Variants in CRACDL observed in about 807,000 individuals in gnomAD.
CRACDL encodes CRACD like.
In CRACDL, 26 loss-of-function variants were observed where a neutral mutation model predicts 70.6. That is an observed-to-expected ratio of 0.37 (90% confidence interval 0.27 to 0.51). The LOEUF (loss-of-function observed/expected upper bound fraction) is 0.51, where lower values mean the gene tolerates loss of function less well. Ranked by LOEUF, CRACDL falls within the 20% of genes least tolerant of loss-of-function variation. The pLI, the probability that CRACDL is intolerant of heterozygous loss-of-function variation, is 0.94. For synonymous variants in CRACDL, 618 were observed against 615.2 expected, an observed-to-expected ratio of 1.00 and a Z score of -0.07; for missense variants, 1,283 against 1,376.9, an observed-to-expected ratio of 0.93 and a Z score of 1.08.
intron 1 of CRACDL, among the ~76,000 whole-genome samples, chr2:98,921,805 G>A (rs1433591663): frequency 1.3e-5 from 2 of 151,996 alleles, no homozygotes; most frequent in African/African-American, 2.4e-5. Flanking sequence ...GCACAGCTAC[G>A]CCAAGCCACC....
chr2:98,893,531 TC>T (rs1708034723), intron 1 of CRACDL, among the ~76,000 whole-genome samples: 5 of 152,036 alleles, frequency 3.3e-5, no homozygotes, highest in African/African-American at 1.2e-4. Flanking sequence ...TGATCTGCCC[TC>T]CTCGGCCTCC....
rs566013865 is a variant in CRACDL at position 98,888,826 on chromosome 2, T to C, written c.-10-42016A>G. On this transcript the variant is annotated intron_variant, in intron 1 of 9. Transcript: ENST00000397899. ...GAAAGTAAAAGAATGGAAAAAAATA[T>C]ATACTATGAAAACAGTAACCAAGCC... Among the ~76,000 whole-genome samples, 4 of 152,156 alleles carry C rather than the reference T, an allele frequency of 2.6e-5. No individual in the cohort carries two copies. In the South Asian group the frequency reaches 8.3e-4, roughly 32 times the overall value.
chr2:98,893,882 G>A lies in CRACDL; in HGVS notation c.-11+42056C>T, dbSNP rs370513162. 9.3e-4 allele frequency among the ~76,000 whole-genome samples: 141 copies of A among 152,280 alleles called. 2 individuals are homozygous for A. The South Asian group carries it at 0.014, about 15-fold the overall frequency. Reference sequence around the variant, plus strand: ...CAAATACTTATGATCGCATCCACACGAACGCCCGTGCACCACACAGTGGAG... The same window carrying A: ...CAAATACTTATGATCGCATCCACACAAACGCCCGTGCACCACACAGTGGAG... On this transcript the variant is annotated intron_variant, in intron 1 of 9. Transcript: ENST00000397899.
In CRACDL at chr2:98,801,784, T is replaced by G. The variant is rs1020086992; in HGVS notation, c.2417-4247A>C. The stretch of plus-strand genomic sequence containing the variant: ...CACTGTCTACACTTCCCAGCGTGGT[T>G]GTGAAGATTCTGTGAGAGAATCCAG... On this transcript the variant is annotated intron_variant, in intron 7 of 9. Transcript: ENST00000397899. 3.9e-5 allele frequency among the ~76,000 whole-genome samples: 6 copies of G among 152,344 alleles called. 1 individual carries two copies. The highest frequency in any genetic ancestry group is 3.3e-4 in the Admixed American group (5 of 15,304).
At chr2:98,923,352 T>C (rs1708847172) in intron 1 of CRACDL, among the ~76,000 whole-genome samples, 1 of 152,142 alleles carries the variant, frequency 6.6e-6, no homozygotes, top group Non-Finnish European at 1.5e-5. Flanking sequence ...TTCATATTAT[T>C]TTTAAAAATT....
chr2:98,904,812 T>C (rs554892884), intron 1 of CRACDL, among the ~76,000 whole-genome samples: 74 of 152,352 alleles, frequency 4.9e-4, no homozygotes, highest in Middle Eastern at 3.4e-3. Flanking sequence ...TTTTGTCCCC[T>C]ACCCAATCTC....
intron 6 of CRACDL, among the ~76,000 whole-genome samples, chr2:98,824,204 C>T (rs1265845802): frequency 6.6e-6 from 1 of 152,084 alleles, no homozygotes; most frequent in Non-Finnish European, 1.5e-5. Context: ...CCGTTTCTTC[C>T]ACTCCCTACT....
chr2:98,821,751 CA>C, intron 7 of CRACDL, 105 bp downstream of exon 7: 1 of 1,381,346 alleles, frequency 7.2e-7, no homozygotes, highest in East Asian at 2.6e-5. Context: ...AATTCCCCTG[CA>C]ACAAAGTTTG....
chr2:98,815,350 C>T (rs1704737802), intron 7 of CRACDL, among the ~76,000 whole-genome samples: 1 of 152,344 alleles, frequency 6.6e-6, no homozygotes, highest in Admixed American at 6.5e-5. Flanking sequence ...TATGCATGTG[C>T]AGCTCAGGGA....
chr2:98,796,301 A>G (rs374897487), intron 8 of CRACDL, 37 bp from the exon 9 acceptor site: 82 of 1,600,704 alleles, frequency 5.1e-5, no homozygotes, highest in Admixed American at 3.3e-4. Flanking sequence ...CAAGTTAACA[A>G]TGATTCAGAC....
chr2:98,875,650 A>G (rs1219074011), intron 1 of CRACDL, among the ~76,000 whole-genome samples: 3 of 152,258 alleles, frequency 2.0e-5, no homozygotes, highest in Non-Finnish European at 4.4e-5. Flanking sequence ...CCTGACACGT[A>G]AGACATGCAG....
chr2:98,897,488 C>A, intron 1 of CRACDL: 1 of 915,198 alleles, frequency 1.1e-6, no homozygotes, highest in Non-Finnish European at 1.5e-6. Context: ...TCTGCTGAAA[C>A]AGATGAGCAA....
chr2:98,838,844 G>C (rs1325113751), intron 2 of CRACDL, among the ~76,000 whole-genome samples: 3 of 152,168 alleles, frequency 2.0e-5, no homozygotes, highest in Non-Finnish European at 4.4e-5. Flanking sequence ...ATCCCTGCAG[G>C]GGAGGGGTGT....
chr2:98,821,775 T>C (rs934274857), intron 7 of CRACDL, 82 bp downstream of exon 7: 1 of 1,508,012 alleles, frequency 6.6e-7, no homozygotes, highest in Non-Finnish European at 8.9e-7. Context: ...CCAGGAGCAT[T>C]TGGCGAGTGT....
At chr2:98,910,659 G>A (rs912034143) in intron 1 of CRACDL, among the ~76,000 whole-genome samples, 1 of 152,136 alleles carries the variant, frequency 6.6e-6, no homozygotes, top group African/African-American at 2.4e-5. Context: ...AAAGAAGGAG[G>A]AGCCTCAAAG....
intron 1 of CRACDL, among the ~76,000 whole-genome samples, chr2:98,891,991 A>G (rs1261688028): frequency 6.6e-6 from 1 of 152,230 alleles, no homozygotes; most frequent in Non-Finnish European, 1.5e-5. Flanking sequence ...CCTACTGAAA[A>G]CTAAATGTAA....
chr2:98,833,590 T>C (rs1705642036), intron 3 of CRACDL, among the ~76,000 whole-genome samples: 1 of 152,264 alleles, frequency 6.6e-6, no homozygotes, highest in South Asian at 2.1e-4. Context: ...GCCTAGATCC[T>C]GGAGCAGAGA....
chr2:98,872,633 C>T (rs1238764149), intron 1 of CRACDL, among the ~76,000 whole-genome samples: 2 of 152,118 alleles, frequency 1.3e-5, no homozygotes, highest in Admixed American at 6.5e-5. Context: ...GAGAATGTAT[C>T]CCCGTCATTT....
chr2:98,828,013 T>TA (rs1705380102), intron 5 of CRACDL, among the ~76,000 whole-genome samples: 1 of 152,246 alleles, frequency 6.6e-6, no homozygotes, highest in African/African-American at 2.4e-5. Flanking sequence ...TGCCATCTGT[T>TA]AAGTTACAGG....
Sources: allele counts gnomAD v4.1 joint callset (sites outside exome capture counted in the v4.1 genomes callset), GRCh38; gene constraint gnomAD v4.1.1; transcripts MANE v1.5; gene names NCBI Gene and HGNC (gene_info 2026-07-23, HGNC 2026-07-21).